Variants in PCDHGA6 observed in about 807,000 individuals in gnomAD.
PCDHGA6 encodes protocadherin gamma subfamily A, 6.
In PCDHGA6, 41 loss-of-function variants were observed where a neutral mutation model predicts 60.6. The ratio of observed to expected loss-of-function variants is 0.68; its 90% confidence interval spans 0.53 to 0.88. PCDHGA6 has a LOEUF of 0.88. Ranked by LOEUF, PCDHGA6 falls within the 40% of genes least tolerant of loss-of-function variation. The probability of loss-of-function intolerance (pLI) is 0.00; values close to 1 mark genes in which losing one functional copy is unlikely to be tolerated. For synonymous variants in PCDHGA6, 594 were observed against 524.4 expected (o/e 1.13, Z -1.81); for missense variants, 1,312 against 1,203.0 (o/e 1.09, Z -1.34).
intron 1 of PCDHGA6, chr5:141,395,360 G>A (rs2093220996): frequency 3.9e-6 from 5 of 1,290,318 alleles, no homozygotes; most frequent in Non-Finnish European, 5.2e-6. Context: ...AGAGTTTTGG[G>A]TTTATTTTGG....
chr5:141,414,781 G>T, intron 1 of PCDHGA6: 2 of 1,614,230 alleles, frequency 1.2e-6, no homozygotes, highest in Non-Finnish European at 1.7e-6. Flanking sequence ...ACAGATGCAG[G>T]TGACAGCCAG....
intron 1 of PCDHGA6, chr5:141,426,432 C>A (rs1239073805): frequency 1.0e-5 from 3 of 295,812 alleles, no homozygotes; most frequent in South Asian, 3.3e-5. Flanking sequence ...TGGTGGGGAA[C>A]CTTGCGGAGG....
At chr5:141,377,431 A>T (rs1773974129) in intron 1 of PCDHGA6, 1 of 152,002 alleles carries the variant, frequency 6.6e-6, no homozygotes, top group East Asian at 1.9e-4. Context: ...CTCTGTCTCT[A>T]CCAAAAAGAA....
chr5:141,433,849 A>C (rs116534867), intron 1 of PCDHGA6, among the ~76,000 whole-genome samples: 2,948 of 152,020 alleles, frequency 0.019, 43 homozygotes, highest in African/African-American at 0.028. Context: ...AAAAAAAAAA[A>C]AAAAAACTTT....
chr5:141,430,110 C>T (rs919470038), intron 1 of PCDHGA6, among the ~76,000 whole-genome samples: 1 of 152,060 alleles, frequency 6.6e-6, no homozygotes, highest in Admixed American at 6.5e-5. Flanking sequence ...CGTTACATGT[C>T]AACAACCTGG....
Position 141,511,315 on chromosome 5 carries a change from G to A in PCDHGA6, c.*142G>A. ...AAGGCCATGCTCCCCTTGGGAAACA[G>A]AAACAAGTGCCCAGTCAGCACCTAC... On this transcript the variant is annotated 3_prime_UTR_variant, in exon 4 of 4. Coordinates refer to ENST00000517434, the MANE Select transcript of PCDHGA6 (RefSeq NM_018919.3). 6.8e-7 allele frequency: 1 copy of A among 1,481,384 alleles called. No individual in the cohort carries two copies. Among genetic ancestry groups the A allele is most frequent in the Non-Finnish European group, 9.0e-7 (1 of 1,110,974 alleles). 91.8% of individuals were successfully genotyped at this position (1,481,384 alleles called of 1,614,324 possible).
intron 1 of PCDHGA6, chr5:141,389,614 C>T: frequency 1.2e-6 from 2 of 1,613,064 alleles, no homozygotes; most frequent in Non-Finnish European, 1.7e-6. Context: ...GATATGGTGC[C>T]GCACGCTGCA....
Position 141,487,323 on chromosome 5 carries a change from G to T in PCDHGA6, c.2425-7484G>T. The T allele has an allele frequency of 6.2e-7, 1 of 1,614,100 alleles. No homozygotes were observed. The highest frequency in any genetic ancestry group is 8.5e-7 in the Non-Finnish European group (1 of 1,180,004). On this transcript the variant is annotated intron_variant, in intron 1 of 3. Coordinates refer to ENST00000517434, the MANE Select transcript of PCDHGA6 (RefSeq NM_018919.3). This position sits in a 1 kb window ranked among gnomAD's most constrained non-coding sequence, Gnocchi z 5.0. ...GTGGCACTACTCTCTAAGTGTCTTC[G>T]TGGGGCAGCCTGTGGAGTCACATGC... is the stretch of plus-strand genomic sequence containing the variant.
intron 1 of PCDHGA6, chr5:141,389,189 C>CATCA: frequency 6.2e-7 from 1 of 1,614,032 alleles, no homozygotes; most frequent in Non-Finnish European, 8.5e-7. Context: ...CCAGTTCCAG[C>CATCA]ATCACCCTGC....
intron 1 of PCDHGA6, among the ~76,000 whole-genome samples, chr5:141,407,290 G>A (rs1025830566): frequency 3.3e-5 from 5 of 152,154 alleles, no homozygotes; most frequent in African/African-American, 1.2e-4. Context: ...TACAATTTCT[G>A]TTCTGAGGAG....
intron 1 of PCDHGA6, chr5:141,421,708 C>T (rs2096594348): frequency 1.9e-6 from 3 of 1,613,780 alleles, no homozygotes; most frequent in South Asian, 2.2e-5. Flanking sequence ...TGCTAGGGAT[C>T]CAGATGTGGG....
intron 1 of PCDHGA6, chr5:141,399,313 A>C: frequency 6.2e-7 from 1 of 1,613,952 alleles, no homozygotes; most frequent in Non-Finnish European, 8.5e-7. Flanking sequence ...TTCATCCAAA[A>C]ATTCGTATAA....
In PCDHGA6 at chr5:141,415,072, G is replaced by A. The variant is rs558067255; in HGVS notation, c.2424+38565G>A. On this transcript the variant is annotated intron_variant, in intron 1 of 3. Coordinates refer to ENST00000517434, the MANE Select transcript of PCDHGA6 (RefSeq NM_018919.3). ...GGAGCACACGGGCGAGGTGCGCACG[G>A]CGCGAGCCCTGCTGGACAGAGACGC... 6.2e-5 allele frequency: 100 copies of A among 1,613,418 alleles called. No individual in the cohort carries two copies. The East Asian group carries it at 2.0e-3, about 32-fold the overall frequency.
At chr5:141,464,883 T>G (rs995385615) in intron 1 of PCDHGA6, among the ~76,000 whole-genome samples, 1 of 152,086 alleles carries the variant, frequency 6.6e-6, no homozygotes, top group African/African-American at 2.4e-5. Flanking sequence ...GGACTACAGA[T>G]GGATGCCACC....
At position 141,487,855 on chromosome 5, in the gene PCDHGA6, A is replaced by G. The variant is rs1033833406; in HGVS notation, c.2425-6952A>G. The G allele has an allele frequency of 2.1e-6, 2 of 974,092 alleles. No homozygotes were observed. Among genetic ancestry groups the G allele is most frequent in the Non-Finnish European group, 3.0e-6 (2 of 668,870 alleles). The allele number at this position is 974,092 out of a possible 1,614,324, so 60.3% of individuals were successfully genotyped here. Reference sequence around the variant, plus strand: ...TATATCTGAGTAAGAAATGAAAGTAATTGGTGATCAAGAGCCAGGCTGTTG... The same window carrying G: ...TATATCTGAGTAAGAAATGAAAGTAGTTGGTGATCAAGAGCCAGGCTGTTG... On this transcript the variant is annotated intron_variant, in intron 1 of 3. Transcript: ENST00000517434. The surrounding 1 kb of genome is among the most constrained non-coding windows in gnomAD (Gnocchi z 5.0).
intron 1 of PCDHGA6, among the ~76,000 whole-genome samples, chr5:141,480,700 C>A (rs1327284592): frequency 1.3e-5 from 2 of 152,192 alleles, no homozygotes; most frequent in Admixed American, 6.5e-5. Flanking sequence ...CCAGGCCACA[C>A]CCCGACAAAT....
At chr5:141,495,164 C>T (rs1326419591) in intron 2 of PCDHGA6, among the ~76,000 whole-genome samples, 4 of 152,198 alleles carry the variant, frequency 2.6e-5, no homozygotes, top group Admixed American at 1.3e-4. Context: ...AAGCTGGTCT[C>T]TGGGTGAAAG....
chr5:141,399,036 G>A, intron 1 of PCDHGA6: 1 of 1,613,800 alleles, frequency 6.2e-7, no homozygotes, highest in African/African-American at 1.3e-5. Context: ...AAAAGAAACT[G>A]GATTTTGAAG....
In PCDHGA6 at chr5:141,432,510, C is replaced by A; in HGVS notation, c.2424+56003C>A. 1 of 1,614,140 alleles carries A rather than the reference C, an allele frequency of 6.2e-7. No homozygotes were observed. The highest frequency in any genetic ancestry group is 8.5e-7 in the Non-Finnish European group (1 of 1,180,042). On this transcript the variant is annotated intron_variant, in intron 1 of 3. Coordinates refer to ENST00000517434, the MANE Select transcript of PCDHGA6 (RefSeq NM_018919.3). The surrounding 1 kb of genome is among the most constrained non-coding windows in gnomAD (Gnocchi z 6.0). ...GAGCTGGCTCCCCGCTCCGCAGAGCCCGGCTACCTGGTGACCAAGGTGGTG... is the reference window on the plus strand; with the variant it reads ...GAGCTGGCTCCCCGCTCCGCAGAGCACGGCTACCTGGTGACCAAGGTGGTG...
Sources: allele counts gnomAD v4.1 joint callset (sites outside exome capture counted in the v4.1 genomes callset), GRCh38; gene constraint gnomAD v4.1.1; non-coding constraint Gnocchi (gnomAD v3.1); transcripts MANE v1.5; gene names NCBI Gene and HGNC (gene_info 2026-07-23, HGNC 2026-07-21).